TMEM108: variants seen among roughly 807,000 people sequenced by gnomAD.
TMEM108 encodes the protein transmembrane protein 108, also known as cancer/testis antigen 124.
TMEM108 carries 12 observed loss-of-function variants against 35.1 expected under a neutral mutation model. That is an observed-to-expected ratio of 0.34 (90% CI 0.22 to 0.55). TMEM108 has a LOEUF of 0.55. Among genes scored for constraint, TMEM108 ranks in the 20% least tolerant of loss-of-function variants. TMEM108 has a pLI of 0.89. For synonymous variants in TMEM108, 287 were observed against 308.6 expected, an observed-to-expected ratio of 0.93 and a Z score of 0.73; for missense variants, 680 against 753.3, an observed-to-expected ratio of 0.90 and a Z score of 1.14.
intron 2 of TMEM108, among the ~76,000 whole-genome samples, chr3:133,217,614 C>T (rs567656437): frequency 6.6e-6 from 1 of 151,996 alleles, no homozygotes; most frequent in Admixed American, 6.6e-5. Flanking sequence ...ATATTGGTGA[C>T]ATAGTAGTCT....
chr3:133,327,948 T>C (rs1472564136), intron 3 of TMEM108, among the ~76,000 whole-genome samples: 2 of 152,200 alleles, frequency 1.3e-5, no homozygotes, highest in African/African-American at 4.8e-5. Context: ...GCTTAACTGA[T>C]AGCCCCAATT....
chr3:133,059,531 G>T (rs776370998), intron 2 of TMEM108, among the ~76,000 whole-genome samples: 3 of 152,082 alleles, frequency 2.0e-5, no homozygotes, highest in Non-Finnish European at 1.5e-5. Flanking sequence ...CTCCACTTTC[G>T]AATGAAAGGG....
chr3:133,330,811 A>G (rs1312279969), intron 3 of TMEM108, among the ~76,000 whole-genome samples: 1 of 152,170 alleles, frequency 6.6e-6, no homozygotes, highest in Non-Finnish European at 1.5e-5. Context: ...ACTTTATAAC[A>G]GAGTATATCA....
chr3:133,112,311 C>T (rs115369555), intron 2 of TMEM108, among the ~76,000 whole-genome samples: 2,087 of 152,224 alleles, frequency 0.014, 36 homozygotes, highest in African/African-American at 0.047. Flanking sequence ...GTGACCCTTA[C>T]TCCATTCCCC....
chr3:133,382,681 G>A (rs2073045013), intron 4 of TMEM108, among the ~76,000 whole-genome samples: 1 of 152,226 alleles, frequency 6.6e-6, no homozygotes, highest in Non-Finnish European at 1.5e-5. Context: ...AAGCCCCGAA[G>A]GCTTCCCTCA....
At chr3:133,157,979 C>T (rs1038970401) in intron 2 of TMEM108, among the ~76,000 whole-genome samples, 2 of 152,170 alleles carry the variant, frequency 1.3e-5, no homozygotes, top group Non-Finnish European at 2.9e-5. Context: ...ACAGATTAAC[C>T]CTTCTTTTTG....
At chr3:133,289,198 G>C (rs896113986) in intron 3 of TMEM108, among the ~76,000 whole-genome samples, 3 of 152,008 alleles carry the variant, frequency 2.0e-5, no homozygotes, top group Non-Finnish European at 4.4e-5. Flanking sequence ...GGATTTGGGG[G>C]TCCATCATTT....
chr3:133,193,707 T>C (rs1017159512), intron 2 of TMEM108, among the ~76,000 whole-genome samples: 3 of 152,170 alleles, frequency 2.0e-5, no homozygotes, highest in Admixed American at 6.5e-5. Flanking sequence ...AGTACCCAGA[T>C]AAATGACAGG....
intron 2 of TMEM108, among the ~76,000 whole-genome samples, chr3:133,088,417 T>C (rs41520845): frequency 0.24 from 36,351 of 152,010 alleles, 4,508 homozygotes; most frequent in East Asian, 0.31. Flanking sequence ...GAAAGTGATA[T>C]AACATTAGCC....
chr3:133,333,481 C>T (rs915583003), intron 3 of TMEM108, among the ~76,000 whole-genome samples: 4 of 152,012 alleles, frequency 2.6e-5, no homozygotes, highest in Non-Finnish European at 5.9e-5. Context: ...AGTAATATGC[C>T]CCTGCTATAA....
chr3:133,181,394 T>G (rs1361885970), intron 2 of TMEM108, among the ~76,000 whole-genome samples: 1 of 152,218 alleles, frequency 6.6e-6, no homozygotes, highest in Non-Finnish European at 1.5e-5. Context: ...ACCATGAACT[T>G]CTTTTCCATA....
At chr3:133,080,837 A>G (rs1943800369) in intron 2 of TMEM108, among the ~76,000 whole-genome samples, 1 of 152,096 alleles carries the variant, frequency 6.6e-6, no homozygotes, top group Admixed American at 6.5e-5. Flanking sequence ...AAATACTAGG[A>G]CTTGCGTGAA....
intron 2 of TMEM108, among the ~76,000 whole-genome samples, chr3:133,133,174 G>T (rs953895466): frequency 9.2e-6 from 1 of 109,178 alleles, no homozygotes; most frequent in Non-Finnish European, 1.9e-5. Context: ...CAGCAGCAGG[G>T]TTTGAGAGTA....
chr3:133,231,607 T>C (rs60386289), intron 3 of TMEM108, among the ~76,000 whole-genome samples: 37 of 152,274 alleles, frequency 2.4e-4, no homozygotes, highest in African/African-American at 8.9e-4. Flanking sequence ...ATAATACGCA[T>C]GCCACATTGT....
chr3:133,142,673 A>G (rs1277271893), intron 2 of TMEM108, among the ~76,000 whole-genome samples: 1 of 152,164 alleles, frequency 6.6e-6, no homozygotes, highest in Non-Finnish European at 1.5e-5. Flanking sequence ...TCCTCTCCCC[A>G]TGTGATTAAG....
chr3:133,073,062 T>C (rs1943694988), intron 2 of TMEM108, among the ~76,000 whole-genome samples: 1 of 152,168 alleles, frequency 6.6e-6, no homozygotes, highest in African/African-American at 2.4e-5. Context: ...TTGAAATATG[T>C]ATACATTGTG....
At chr3:133,073,786 A>G (rs914278117) in intron 2 of TMEM108, among the ~76,000 whole-genome samples, 1 of 151,910 alleles carries the variant, frequency 6.6e-6, no homozygotes, top group African/African-American at 2.4e-5. Flanking sequence ...AACAGTGTAC[A>G]AGAGTTCCTT....
chr3:133,253,072 A>G (rs1946494329), intron 3 of TMEM108, among the ~76,000 whole-genome samples: 2 of 152,216 alleles, frequency 1.3e-5, no homozygotes, highest in South Asian at 2.1e-4. Context: ...TGCAAATACA[A>G]TGGCATTTTA....
intron 2 of TMEM108, among the ~76,000 whole-genome samples, chr3:133,175,926 C>G (rs1396584277): frequency 2.1e-5 from 3 of 145,184 alleles, no homozygotes; most frequent in South Asian, 4.5e-4. Context: ...TCAGGAAACC[C>G]ATCTCATGTG....
Sources: gnomAD v4.1 joint callset for allele counts (sites outside exome capture counted in the v4.1 genomes callset) on GRCh38, gnomAD v4.1.1 for gene constraint, MANE v1.5 for transcripts, NCBI Gene and HGNC (gene_info 2026-07-23, HGNC 2026-07-21) for gene names.